Variants in ZFYVE9 observed in about 807,000 individuals in gnomAD.
ZFYVE9 encodes the protein zinc finger FYVE domain-containing protein 9.
Under a neutral mutation model 126.7 loss-of-function variants are expected in ZFYVE9, and 43 were observed. The ratio of observed to expected loss-of-function variants is 0.34; its 90% CI spans 0.27 to 0.44. ZFYVE9 has a LOEUF of 0.44. Among genes scored for constraint, ZFYVE9 ranks in the 20% least tolerant of loss-of-function variants. The pLI, the probability that ZFYVE9 is intolerant of heterozygous loss-of-function variation, is 1.00. For synonymous variants in ZFYVE9, 521 were observed against 597.4 expected (o/e 0.87, Z 1.87); for missense variants, 1,476 against 1,697.0 (o/e 0.87, Z 2.29).
chr1:52,215,742 A>T (rs945776284), intron 1 of ZFYVE9, among the ~76,000 whole-genome samples: 1 of 152,204 alleles, frequency 6.6e-6, no homozygotes, highest in Non-Finnish European at 1.5e-5. Context: ...CCATAACTTA[A>T]TGGATATTGT....
At chr1:52,248,407 C>G (rs975241709) in intron 4 of ZFYVE9, among the ~76,000 whole-genome samples, 1 of 152,210 alleles carries the variant, frequency 6.6e-6, no homozygotes, top group Non-Finnish European at 1.5e-5. Flanking sequence ...TTTTAGTGCA[C>G]TGGCAGCTGA....
intron 7 of ZFYVE9, among the ~76,000 whole-genome samples, chr1:52,270,992 C>T (rs1645687041): frequency 6.6e-6 from 1 of 152,042 alleles, no homozygotes; most frequent in Non-Finnish European, 1.5e-5. Flanking sequence ...AGTTTGAGAC[C>T]AGCTTGGGCA....
intron 4 of ZFYVE9, among the ~76,000 whole-genome samples, chr1:52,255,764 G>A (rs898191947): frequency 3.3e-5 from 5 of 151,562 alleles, no homozygotes; most frequent in African/African-American, 1.2e-4. Flanking sequence ...ATTGCGGCGC[G>A]TACCTGTAGT....
chr1:52,256,021 C>G (rs1236921116), intron 4 of ZFYVE9, among the ~76,000 whole-genome samples: 1 of 127,516 alleles, frequency 7.8e-6, no homozygotes, highest in Non-Finnish European at 1.6e-5. Flanking sequence ...TCTTTCCTTT[C>G]TTTCTTTCTG....
At chr1:52,322,377 C>CTTTT (rs113375062) in intron 13 of ZFYVE9, among the ~76,000 whole-genome samples, 27 of 119,492 alleles carry the variant, frequency 2.3e-4, no homozygotes, top group African/African-American at 4.5e-4. Context: ...GTGGTCTTTT[C>CTTTT]TTTTTTTTTT....
In ZFYVE9 at chr1:52,346,172, G is replaced by A. The variant is rs1553138463; in HGVS notation, c.4229G>A (p.Gly1410Asp). The change falls in exon 19 of 19, where the codon GGC becomes GAC. Residue 1410 changes from glycine to aspartate, a missense_variant. Around this residue, in one of 2 missense-constraint regions of ZFYVE9, gnomAD observed 669 missense variants for 902.4 expected, o/e 0.74. Transcript: ENST00000287727. ...GGAGGGGCCTGCCAGCTTAGTGAGG[G>A]CCCCGTTGTCATGGAACTCATCTTT... ...IHGGACQLSE[G>D]PVVMELIFYI... 5 of 1,611,832 alleles carry A rather than the reference G, an allele frequency of 3.1e-6. No individual in the cohort carries two copies. The highest frequency in any genetic ancestry group is 1.7e-5 in the Admixed American group (1 of 59,684).
At chr1:52,275,140 TG>T (rs1645732661) in intron 8 of ZFYVE9, among the ~76,000 whole-genome samples, 2 of 152,232 alleles carry the variant, frequency 1.3e-5, no homozygotes, top group Non-Finnish European at 2.9e-5. Context: ...TGTGCCAATC[TG>T]GTACATGGAT....
chr1:52,270,347 T>G lies in ZFYVE9; in HGVS notation c.2625+1715T>G, dbSNP rs1231918245. On this transcript the variant is annotated intron_variant, in intron 7 of 18. Coordinates refer to ENST00000287727, the MANE Select transcript of ZFYVE9 (RefSeq NM_004799.4). ...GGTGCGATCCTGGCTCACTGCAAGC[T>G]CCGCCTCCCGGGTTCACGCCATTCT... 3.3e-5 allele frequency among the ~76,000 whole-genome samples: 5 copies of G among 152,302 alleles called. No individual in the cohort carries two copies. The East Asian group carries it at 9.6e-4, about 29-fold the overall frequency.
chr1:52,163,628 T>G (rs12078348), intron 1 of ZFYVE9, among the ~76,000 whole-genome samples: 5,432 of 152,280 alleles, frequency 0.036, 238 homozygotes, highest in African/African-American at 0.11. Context: ...TGTCATACTT[T>G]TCTTTATATC....
At chr1:52,222,497 A>G (rs1645132578) in intron 2 of ZFYVE9, among the ~76,000 whole-genome samples, 1 of 152,178 alleles carries the variant, frequency 6.6e-6, no homozygotes, top group South Asian at 2.1e-4. Flanking sequence ...GGCGGTTTGA[A>G]CTATTTGATT....
chr1:52,316,694 A>G (rs913390640), intron 13 of ZFYVE9, among the ~76,000 whole-genome samples: 1 of 152,354 alleles, frequency 6.6e-6, no homozygotes, highest in Non-Finnish European at 1.5e-5. Context: ...CAAAATGCAC[A>G]GTGAGAGAAC....
At chr1:52,284,633 C>A (rs562680913) in intron 10 of ZFYVE9, among the ~76,000 whole-genome samples, 36 of 152,182 alleles carry the variant, frequency 2.4e-4, no homozygotes, top group East Asian at 1.4e-3. Context: ...GTTAGCCAGG[C>A]TGATCTTGAT....
At chr1:52,198,120 G>GTTTT (rs373096573) in intron 1 of ZFYVE9, among the ~76,000 whole-genome samples, 1,873 of 111,026 alleles carry the variant, frequency 0.017, 319 homozygotes, top group East Asian at 0.022. Flanking sequence ...GTTTTTTTTT[G>GTTTT]TTTGTTTTTT....
At chr1:52,290,952 C>T (rs1421094546) in intron 10 of ZFYVE9, among the ~76,000 whole-genome samples, 1 of 152,148 alleles carries the variant, frequency 6.6e-6, no homozygotes, top group Admixed American at 6.6e-5. Flanking sequence ...AAGTAACTTG[C>T]CCCAGATCCC....
chr1:52,343,395 G>A (rs1005715596), intron 17 of ZFYVE9, among the ~76,000 whole-genome samples: 2 of 151,816 alleles, frequency 1.3e-5, no homozygotes, highest in African/African-American at 2.4e-5. Flanking sequence ...GCAGTGAGCC[G>A]AGATCGTGCC....
At chr1:52,333,375 G>GT (rs1490576731) in intron 14 of ZFYVE9, among the ~76,000 whole-genome samples, 1 of 151,834 alleles carries the variant, frequency 6.6e-6, no homozygotes, top group Admixed American at 6.6e-5. Context: ...CATAATGAGA[G>GT]TATGTTTAGG....
intron 1 of ZFYVE9, among the ~76,000 whole-genome samples, chr1:52,148,995 C>T (rs1258381684): frequency 9.8e-5 from 11 of 111,830 alleles, no homozygotes; most frequent in African/African-American, 3.1e-4. Flanking sequence ...GATAGACTCT[C>T]GCTCTGTCAA....
chr1:52,188,596 CA>C (rs1047216044), intron 1 of ZFYVE9, among the ~76,000 whole-genome samples: 1 of 151,894 alleles, frequency 6.6e-6, no homozygotes, highest in Non-Finnish European at 1.5e-5. Flanking sequence ...TAATTTTGTA[CA>C]AAAAATAGTT....
At chr1:52,220,698 A>G (rs1352404450) in intron 2 of ZFYVE9, among the ~76,000 whole-genome samples, 2 of 152,136 alleles carry the variant, frequency 1.3e-5, no homozygotes, top group African/African-American at 4.8e-5. Context: ...TTCCCTCATG[A>G]GGGGCTTAGA....
Sources: allele counts gnomAD v4.1 joint callset (sites outside exome capture counted in the v4.1 genomes callset), GRCh38; gene constraint gnomAD v4.1.1; regional missense constraint gnomAD v4.1.1; transcripts MANE v1.5; gene names NCBI Gene and HGNC (gene_info 2026-07-23, HGNC 2026-07-21).